Variants in FRMD6 observed in about 807,000 individuals in gnomAD.
FRMD6 encodes the protein FERM domain-containing protein 6.
A neutral mutation model predicts 73.2 loss-of-function variants in FRMD6; 37 were observed. That is an observed-to-expected ratio of 0.51 (90% confidence interval 0.39 to 0.66). FRMD6 has a LOEUF of 0.66. FRMD6 is among the 30% of genes least tolerant of loss of function. The probability of loss-of-function intolerance (pLI) is 0.00; values close to 1 mark genes in which losing one functional copy is unlikely to be tolerated. For missense variants in FRMD6, 714 were observed against 780.5 expected, an observed-to-expected ratio of 0.91 and a Z score of 1.02; for synonymous variants, 273 against 282.2, an observed-to-expected ratio of 0.97 and a Z score of 0.33.
intron 12 of FRMD6, among the ~76,000 whole-genome samples, chr14:51,723,278 A>G (rs1418929714): frequency 6.6e-6 from 1 of 152,190 alleles, no homozygotes; most frequent in East Asian, 1.9e-4. Context: ...GTGGAAAGGA[A>G]ATGGTCTAAA....
At chr14:51,687,494 T>A (rs1324653275) in intron 1 of FRMD6, among the ~76,000 whole-genome samples, 1 of 152,186 alleles carries the variant, frequency 6.6e-6, no homozygotes, top group Non-Finnish European at 1.5e-5. Context: ...ATTTTAGAAT[T>A]GTATCTCTAA....
At chr14:51,475,815 A>G in the FRMD6 span, among the ~76,000 whole-genome samples, 1 of 152,318 alleles carries the variant, frequency 6.6e-6, no homozygotes, top group Non-Finnish European at 1.5e-5. Context: ...AAAAGGGAGG[A>G]CAATAAGCTG....
chr14:51,717,258 G>C (rs1897289309), intron 10 of FRMD6: 1 of 152,210 alleles, frequency 6.6e-6, no homozygotes, highest in African/African-American at 2.4e-5. Flanking sequence ...CAGTTCTAGA[G>C]GCTGGGAAGT....
intron 1 of FRMD6, among the ~76,000 whole-genome samples, chr14:51,537,262 C>T (rs1344750435): frequency 6.6e-6 from 1 of 152,176 alleles, no homozygotes; most frequent in South Asian, 2.1e-4. Flanking sequence ...CAGCATGTAA[C>T]CTTTCCAGAA....
At chr14:51,713,936 C>G (rs1012704577) in intron 9 of FRMD6, 2 of 152,090 alleles carry the variant, frequency 1.3e-5, no homozygotes, top group Non-Finnish European at 2.9e-5. Flanking sequence ...GGACTTGTTG[C>G]TTGCTGAATC....
At chr14:51,644,658 A>G (rs1891984289) in intron 2 of FRMD6, among the ~76,000 whole-genome samples, 1 of 152,228 alleles carries the variant, frequency 6.6e-6, no homozygotes, top group Non-Finnish European at 1.5e-5. Flanking sequence ...TATTGTACAT[A>G]AAACTATCAT....
At chr14:51,664,153 A>T (rs1422806695) in intron 1 of FRMD6, among the ~76,000 whole-genome samples, 1 of 152,228 alleles carries the variant, frequency 6.6e-6, no homozygotes, top group East Asian at 1.9e-4. Context: ...CACACAGCAT[A>T]GTGCCCCACT....
intron 1 of FRMD6, among the ~76,000 whole-genome samples, chr14:51,540,875 T>G (rs1177431948): frequency 6.6e-6 from 1 of 152,136 alleles, no homozygotes; most frequent in African/African-American, 2.4e-5. Context: ...TTTAAAATAC[T>G]AGGAATTCAT....
intron 1 of FRMD6, among the ~76,000 whole-genome samples, chr14:51,540,750 T>A (rs1209682558): frequency 2.0e-5 from 3 of 152,108 alleles, no homozygotes; most frequent in Non-Finnish European, 4.4e-5. Flanking sequence ...ATAAATTCCA[T>A]GAGCAAATAA....
chr14:51,542,032 G>C (rs926541929), intron 1 of FRMD6, among the ~76,000 whole-genome samples: 1 of 151,956 alleles, frequency 6.6e-6, no homozygotes, highest in Admixed American at 6.6e-5. Context: ...CCTGCATCAC[G>C]TTACTGTGGT....
intron 2 of FRMD6, among the ~76,000 whole-genome samples, chr14:51,583,948 A>T (rs529799952): frequency 6.6e-6 from 1 of 152,358 alleles, no homozygotes; most frequent in South Asian, 2.1e-4. Context: ...ATCTTATAAA[A>T]TGGTGTGAGA....
At chr14:51,673,483 G>C (rs1894168012) in intron 1 of FRMD6, among the ~76,000 whole-genome samples, 1 of 152,040 alleles carries the variant, frequency 6.6e-6, no homozygotes, top group South Asian at 2.1e-4. Flanking sequence ...CCTCACTGTG[G>C]ACCAAAACTG....
the FRMD6 span, among the ~76,000 whole-genome samples, chr14:51,443,783 C>A: frequency 6.6e-6 from 1 of 152,190 alleles, no homozygotes; most frequent in Admixed American, 6.5e-5. Context: ...ACAACCAGGA[C>A]ATTGTTTCCT....
intron 1 of FRMD6, among the ~76,000 whole-genome samples, chr14:51,683,035 C>T (rs1443453632): frequency 6.6e-6 from 1 of 152,180 alleles, no homozygotes; most frequent in Non-Finnish European, 1.5e-5. Context: ...TCAACCCATA[C>T]ACCCATACGC....
At chr14:51,670,311 C>T in intron 1 of FRMD6, among the ~76,000 whole-genome samples, 1 of 152,018 alleles carries the variant, frequency 6.6e-6, no homozygotes, top group East Asian at 1.9e-4. Context: ...CTCAAGTGCT[C>T]CTCCCACCTT....
the FRMD6 span, among the ~76,000 whole-genome samples, chr14:51,420,606 A>C: frequency 1.1e-4 from 16 of 152,364 alleles, no homozygotes; most frequent in East Asian, 2.3e-3. Flanking sequence ...GGATGCTTGC[A>C]TTTGTACTGA....
the FRMD6 span, among the ~76,000 whole-genome samples, chr14:51,434,183 G>A: frequency 1.4e-4 from 22 of 152,044 alleles, no homozygotes; most frequent in African/African-American, 5.3e-4. Context: ...TATGTACACA[G>A]GTGGCATAAA....
At chr14:51,629,200 C>T (rs1891245173) in intron 2 of FRMD6, among the ~76,000 whole-genome samples, 1 of 152,122 alleles carries the variant, frequency 6.6e-6, no homozygotes, top group Non-Finnish European at 1.5e-5. Flanking sequence ...TTTCACTTGG[C>T]ATAACGGTTT....
Position 51,712,492 on chromosome 14 carries a change from G to A in FRMD6, c.790G>A (p.Glu264Lys), listed in dbSNP as rs369017011. The A allele has an allele frequency of 2.1e-5, 33 of 1,590,226 alleles. No individual in the cohort carries two copies. Among genetic ancestry groups the A allele is most frequent in the Non-Finnish European group, 2.8e-5 (32 of 1,159,274 alleles). Reference protein sequence around the residue: ...RGIQIFQNLDEEKQLLYDFPW... With the variant: ...RGIQIFQNLDKEKQLLYDFPW... ...CATATTCTTTTCACAGAATTTAGATGAAGAGAAACAATTACTTTATGATTT... is the reference window on the plus strand; with the variant it reads ...CATATTCTTTTCACAGAATTTAGATAAAGAGAAACAATTACTTTATGATTT... The change falls in exon 9 of 14, where the codon GAA (glutamate) becomes AAA (lysine). Residue 264 changes from glutamate to lysine, a missense_variant. By Grantham distance (56) the Glu-to-Lys change is moderately conservative. Coordinates refer to ENST00000344768, the MANE Select transcript of FRMD6 (RefSeq NM_001267046.2).
Sources: gnomAD v4.1 joint callset for allele counts (sites outside exome capture counted in the v4.1 genomes callset) on GRCh38, gnomAD v4.1.1 for gene constraint, MANE v1.5 for transcripts, NCBI Gene and HGNC (gene_info 2026-07-23, HGNC 2026-07-21) for gene names.